CHEK1: variants seen among roughly 807,000 people sequenced by gnomAD.
CHEK1 encodes checkpoint kinase 1, also known as serine/threonine-protein kinase Chk1.
Under a neutral mutation model 60.2 loss-of-function variants are expected in CHEK1, and 32 were observed. The observed-to-expected ratio is 0.53, with a 90% CI of 0.40 to 0.71. CHEK1 has a LOEUF of 0.71. Ranked by LOEUF, CHEK1 falls within the 30% of genes least tolerant of loss-of-function variation. CHEK1 has a pLI of 0.00. For synonymous variants in CHEK1, 179 were observed against 187.2 expected, an observed-to-expected ratio of 0.96 and a Z score of 0.36; for missense variants, 399 against 564.6, an observed-to-expected ratio of 0.71 and a Z score of 2.97.
rs748276359 is a variant in CHEK1 at position 125,643,821 on chromosome 11, G to C, written c.844G>C (p.Gly282Arg). 3.1e-6 allele frequency: 5 copies of C among 1,614,028 alleles called. No individual in the cohort carries two copies. The South Asian group carries it at 4.4e-5, about 14-fold the overall frequency. Residue 282 changes from glycine to arginine, a missense_variant, in exon 9 of 13, where the codon GGT becomes CGT. Physicochemically the swap from Gly to Arg is moderately radical, Grantham distance 125 (BLOSUM62 -2). Transcript: ENST00000438015. Reference sequence around the variant, plus strand: ...AAAAAGGCCCCGAGTCACTTCAGGTGGTGTGTCAGAGTCTCCCAGTGGATT... The same window carrying C: ...AAAAAGGCCCCGAGTCACTTCAGGTCGTGTGTCAGAGTCTCCCAGTGGATT... ...GAKRPRVTSG[G>R]VSESPSGFSK... is the part of the protein sequence containing the mutation.
At position 125,627,829 on chromosome 11, in the gene CHEK1, A is replaced by G; in HGVS notation, c.288A>G (p.Ile96Met). ...GTGGAGGAGAGCTTTTTGACAGAAT[A>G]GGTATGGAAGAAATTTAAGATAATT... ...YCSGGELFDRIEPDIGMPEPD... is the reference protein window; with the variant it reads ...YCSGGELFDRMEPDIGMPEPD... The change falls in exon 3 of 13, where the codon ATA becomes ATG. Residue 96 changes from isoleucine (I) to methionine (M), a missense_variant and splice_region_variant. Ile to Met is a conservative substitution (Grantham distance 10). This residue lies in a region of CHEK1 where 370 missense variants were observed against 494.8 expected (regional missense o/e 0.75). Coordinates refer to ENST00000438015, the MANE Select transcript of CHEK1 (RefSeq NM_001114122.3). 3 of 1,533,020 alleles carry G rather than the reference A, an allele frequency of 2.0e-6. No homozygotes were observed. The highest frequency in any genetic ancestry group is 2.2e-5 in the Admixed American group (1 of 45,402). The allele number at this position is 1,533,020 out of a possible 1,614,324, so 95.0% of individuals were successfully genotyped here. A position where few individuals can be genotyped will look rare whatever the true frequency, so the allele number is the denominator to read the frequency against.
intron 13 of CHEK1, among the ~76,000 whole-genome samples, chr11:125,666,509 T>G (rs1214381502): frequency 6.6e-6 from 1 of 152,240 alleles, no homozygotes; most frequent in Non-Finnish European, 1.5e-5. Context: ...AAATGTCTGT[T>G]AGATCTGTTT....
chr11:125,628,572 T>C (rs1940721974), intron 3 of CHEK1, among the ~76,000 whole-genome samples: 1 of 152,164 alleles, frequency 6.6e-6, no homozygotes. Flanking sequence ...ATAATAAAAC[T>C]GTTTCACGAA....
chr11:125,661,367 A>G (rs977556000), downstream of CHEK1, among the ~76,000 whole-genome samples: 3 of 151,908 alleles, frequency 2.0e-5, no homozygotes, highest in African/African-American at 7.3e-5. Context: ...GCTAGAGTGC[A>G]GTGGTACCAT....
At chr11:125,629,354 C>A (rs1294798019) in intron 4 of CHEK1, 37 bp from the exon 5 acceptor site, 1 of 1,611,614 alleles carries the variant, frequency 6.2e-7, no homozygotes, top group South Asian at 1.1e-5. Flanking sequence ...CATTACATTA[C>A]CAAATTCTAG....
At chr11:125,674,412 G>A (rs1463808996) in intron 13 of CHEK1, among the ~76,000 whole-genome samples, 1 of 152,208 alleles carries the variant, frequency 6.6e-6, no homozygotes, top group Non-Finnish European at 1.5e-5. Flanking sequence ...AGAAAGGAAA[G>A]AGGATAATTT....
At chr11:125,650,137 C>T (rs952165469) in intron 11 of CHEK1, among the ~76,000 whole-genome samples, 17 of 151,518 alleles carry the variant, frequency 1.1e-4, no homozygotes, top group African/African-American at 3.9e-4. Flanking sequence ...GCCACAATTT[C>T]TTCAGATTTT....
chr11:125,656,930 A>G lies in CHEK1; in HGVS notation c.*1610A>G. 4.9e-6 allele frequency: 1 copy of G among 203,822 alleles called. No individual in the cohort carries two copies. The highest frequency in any genetic ancestry group is 2.3e-5 in the African/African-American group (1 of 43,798). The allele number at this position is 203,822 out of a possible 1,614,324, so 12.6% of individuals were successfully genotyped here. On this transcript the variant is annotated 3_prime_UTR_variant, in exon 13 of 13. Transcript: ENST00000438015. ...ACATTTATTTATCTGAACACTGGTA[A>G]TTGCCTCAGTAAAGACACTGATAAT...
intron 13 of CHEK1, among the ~76,000 whole-genome samples, chr11:125,670,112 G>A (rs1213030960): frequency 1.3e-5 from 2 of 152,130 alleles, no homozygotes; most frequent in African/African-American, 2.4e-5. Context: ...TCTCCAATAT[G>A]CTATTAAACC....
intron 7 of CHEK1, 114 bp downstream of exon 7, chr11:125,635,647 C>T (rs1331132244): frequency 2.2e-5 from 14 of 623,516 alleles, no homozygotes; most frequent in Admixed American, 3.0e-5. Context: ...AATTCATGTT[C>T]GTTGTAGATA....
downstream of CHEK1, among the ~76,000 whole-genome samples, chr11:125,661,509 A>G (rs1036394448): frequency 4.0e-5 from 6 of 151,804 alleles, no homozygotes; most frequent in Admixed American, 3.9e-4. Context: ...ACAGGGTTTC[A>G]TCGTGTTGTC....
At chr11:125,646,902 G>A (rs1941526636) in intron 11 of CHEK1, among the ~76,000 whole-genome samples, 1 of 152,100 alleles carries the variant, frequency 6.6e-6, no homozygotes, top group Admixed American at 6.5e-5. Flanking sequence ...TTCTGTGGGA[G>A]AAAATTCCCC....
At position 125,637,564 on chromosome 11, in the gene CHEK1, A is replaced by G. The variant is rs1941124308; in HGVS notation, c.814+20A>G. ...AGAAAGGTAATATCCTTAAACTACA[A>G]GTTTGTTTGTTTTTCTGTGGAAGAA... is the stretch of plus-strand genomic sequence containing the variant. On this transcript the variant is annotated intron_variant, in intron 8 of 12. Transcript: ENST00000438015. 1 of 1,551,514 alleles carries G rather than the reference A, an allele frequency of 6.4e-7. No individual in the cohort carries two copies. Among genetic ancestry groups the G allele is most frequent in the East Asian group, 2.3e-5 (1 of 43,632 alleles).
chr11:125,648,539 G>T (rs866264575), intron 11 of CHEK1, among the ~76,000 whole-genome samples: 1 of 149,958 alleles, frequency 6.7e-6, no homozygotes, highest in African/African-American at 2.5e-5. Flanking sequence ...CCGAGATGAC[G>T]CCACTGCACT....
chr11:125,634,551 C>T (rs1014474941), intron 6 of CHEK1, among the ~76,000 whole-genome samples: 4 of 152,036 alleles, frequency 2.6e-5, no homozygotes, highest in Admixed American at 6.6e-5. Context: ...TCTTAAACTC[C>T]TGGGCTCAAG....
chr11:125,665,899 T>C (rs1177911868), intron 13 of CHEK1, among the ~76,000 whole-genome samples: 1 of 132,056 alleles, frequency 7.6e-6, no homozygotes, highest in Non-Finnish European at 1.6e-5. Flanking sequence ...TTTTTTGTAG[T>C]CTAGGTAAAG....
chr11:125,626,717 C>CT, intron 1 of CHEK1, 32 bp from the exon 2 acceptor site: 1 of 1,605,306 alleles, frequency 6.2e-7, no homozygotes, highest in Non-Finnish European at 8.5e-7. Flanking sequence ...ATCTTACACT[C>CT]TACATCTTTT....
exon 14 of CHEK1, chr11:125,676,249 T>A: frequency 7.3e-7 from 1 of 1,377,944 alleles, no homozygotes; most frequent in Non-Finnish European, 1.0e-6. Flanking sequence ...AAGTTCTGAA[T>A]CTTCAAGTTC....
At chr11:125,678,077 ACT>A (rs765567511), downstream of CHEK1, 3 of 1,614,074 alleles carry the variant, frequency 1.9e-6, no homozygotes, top group Admixed American at 3.3e-5. Context: ...AAGCATGCTC[ACT>A]CTCAGCATGT....
Sources: allele counts gnomAD v4.1 joint callset (sites outside exome capture counted in the v4.1 genomes callset), GRCh38; gene constraint gnomAD v4.1.1; regional missense constraint gnomAD v4.1.1; transcripts MANE v1.5; gene names NCBI Gene and HGNC (gene_info 2026-07-23, HGNC 2026-07-21).